The following SYAP1 variants were observed in gnomAD, a reference collection of about 807,000 sequenced individuals.
The protein encoded by SYAP1 is synapse-associated protein 1.
SYAP1 carries 3 observed loss-of-function variants against 29.6 expected under a neutral mutation model. The observed-to-expected ratio is 0.10, with a 90% CI of 0.05 to 0.26. The LOEUF (loss-of-function observed/expected upper bound fraction) is 0.26. SYAP1 is among the 10% of genes least tolerant of loss of function. The pLI is 1.00. For synonymous variants in SYAP1, 102 were observed against 102.7 expected, an observed-to-expected ratio of 0.99 and a Z score of 0.04; for missense variants, 217 against 264.1, an observed-to-expected ratio of 0.82 and a Z score of 1.24.
At position 16,764,906 on chromosome X, in the gene SYAP1, G is replaced by C. The variant is rs1252013708; in HGVS notation, c.*4547G>C. 9.1e-6 allele frequency: 1 copy of C among 110,485 alleles called. No individual in the cohort carries two copies. Among genetic ancestry groups the C allele is most frequent in the African/African-American group, 3.3e-5 (1 of 30,320 alleles). 9.1% of individuals were successfully genotyped at this position (110,485 alleles called of 1,213,427 possible). ...GATGGGTGTCTCCCCATGTTGCTCA[G>C]GCTGTTCTTGAACTTCTGAGCTCAG... On this transcript the variant is annotated 3_prime_UTR_variant, in exon 9 of 9. Coordinates refer to ENST00000380155, the MANE Select transcript of SYAP1 (RefSeq NM_032796.4).
chrX:16,749,247 G>A (rs1926676341), intron 5 of SYAP1, among the ~76,000 whole-genome samples: 2 of 109,832 alleles, frequency 1.8e-5, no homozygotes, highest in South Asian at 3.9e-4. Context: ...TAGAGTCAGG[G>A]TCTCACTCTG....
chrX:16,723,802 CTACTT>C (rs1926020307), intron 1 of SYAP1, among the ~76,000 whole-genome samples: 1 of 111,558 alleles, frequency 9.0e-6, no homozygotes, highest in Non-Finnish European at 1.9e-5. Context: ...GAAGCTCTTC[CTACTT>C]TACTTTATTC....
Position 16,760,516 on chromosome X carries a change from A to T in SYAP1, c.*157A>T. On this transcript the variant is annotated 3_prime_UTR_variant, in exon 9 of 9. Transcript: ENST00000380155. ...GTTGAAACTTGCCTCTTCTACTTTAAAAAAGTATATAGAACAGTTACTTCT... is the reference window on the plus strand; with the variant it reads ...GTTGAAACTTGCCTCTTCTACTTTATAAAAGTATATAGAACAGTTACTTCT... 2.3e-6 allele frequency: 1 copy of T among 435,194 alleles called. No individual in the cohort carries two copies. The highest frequency in any genetic ancestry group is 3.6e-6 in the Non-Finnish European group (1 of 281,056). The allele number at this position is 435,194 out of a possible 1,213,427, so 35.9% of individuals were successfully genotyped here.
At chrX:16,748,312 A>C in intron 5 of SYAP1, among the ~76,000 whole-genome samples, 1 of 112,016 alleles carries the variant, frequency 8.9e-6, no homozygotes, top group Non-Finnish European at 1.9e-5. Flanking sequence ...TGTTTTGTCG[A>C]AAATTTCCAT....
At chrX:16,751,378 G>A (rs1464725352) in intron 5 of SYAP1, among the ~76,000 whole-genome samples, 8 of 104,689 alleles carry the variant, frequency 7.6e-5, no homozygotes, top group Non-Finnish European at 1.6e-4. Context: ...CTTGAACCCA[G>A]GAGATGGAGG....
chrX:16,737,151 C>G (rs5978793), intron 3 of SYAP1, among the ~76,000 whole-genome samples: 50,143 of 110,313 alleles, frequency 0.45, 10,011 homozygotes, highest in African/African-American at 0.78. Context: ...GGCCAAGGCG[C>G]GAGGATCACT....
chrX:16,742,925 T>A (rs1459168174), intron 4 of SYAP1, among the ~76,000 whole-genome samples: 1 of 103,148 alleles, frequency 9.7e-6, no homozygotes, highest in African/African-American at 3.5e-5. Context: ...CTTCTATTTT[T>A]TTTTTTTTTT....
At position 16,757,617 on chromosome X, in the gene SYAP1, G is replaced by A. The variant is rs559696601; in HGVS notation, c.931+308G>A. Among the ~76,000 whole-genome samples, 16 of 110,981 alleles carry A rather than the reference G, an allele frequency of 1.4e-4. No homozygotes were observed. In the South Asian group the frequency reaches 2.3e-3, roughly 16 times the overall value. On this transcript the variant is annotated intron_variant, in intron 8 of 8. Coordinates refer to ENST00000380155, the MANE Select transcript of SYAP1 (RefSeq NM_032796.4). ...GGGTGCCTGTAGTCCCAGCTATTCGGAAGGCTGAGGCAGGAGAATGGCATG... is the reference window on the plus strand; with the variant it reads ...GGGTGCCTGTAGTCCCAGCTATTCGAAAGGCTGAGGCAGGAGAATGGCATG...
intron 1 of SYAP1, 77 bp from the exon 2 acceptor site, chrX:16,735,150 G>T: frequency 1.5e-6 from 1 of 648,009 alleles, no homozygotes; most frequent in Non-Finnish European, 2.4e-6. Context: ...ATGCCCTAAT[G>T]CTTTAGATTC....
chrX:16,738,124 G>A (rs1271633274), intron 3 of SYAP1, among the ~76,000 whole-genome samples: 6 of 111,695 alleles, frequency 5.4e-5, no homozygotes, highest in Non-Finnish European at 1.1e-4. Flanking sequence ...ATTTCAAGAC[G>A]CAGTCAGGGC....
At chrX:16,739,800 G>A (rs1229817224) in intron 3 of SYAP1, among the ~76,000 whole-genome samples, 1 of 111,591 alleles carries the variant, frequency 9.0e-6, no homozygotes, top group Non-Finnish European at 1.9e-5. Context: ...TTCACTTTGT[G>A]TTGCAAGACC....
At position 16,762,237 on chromosome X, in the gene SYAP1, G is replaced by A. The variant is rs181521127; in HGVS notation, c.*1878G>A. 16 of 111,406 alleles carry A rather than the reference G, an allele frequency of 1.4e-4. No individual in the cohort carries two copies. In the East Asian group the frequency reaches 3.4e-3, roughly 23 times the overall value. 9.2% of individuals were successfully genotyped at this position (111,406 alleles called of 1,213,427 possible). A position where few individuals can be genotyped will look rare whatever the true frequency, so the allele number is the denominator to read the frequency against. On this transcript the variant is annotated 3_prime_UTR_variant, in exon 9 of 9. Coordinates refer to ENST00000380155, the MANE Select transcript of SYAP1 (RefSeq NM_032796.4). ...AGATGGAAGCATATCAGGATGTGTC[G>A]GTGCTTGGCTCTTAGTGAATGCACT...
At chrX:16,739,146 G>C (rs1926393899) in intron 3 of SYAP1, among the ~76,000 whole-genome samples, 1 of 111,248 alleles carries the variant, frequency 9.0e-6, no homozygotes, top group South Asian at 3.7e-4. Context: ...AATGTTTTGG[G>C]GGCTTTACCC....
At chrX:16,735,424 AT>A (rs1307145769) in intron 2 of SYAP1, 79 bp downstream of exon 2, 21 of 677,468 alleles carry the variant, frequency 3.1e-5, no homozygotes, top group Non-Finnish European at 4.7e-5. Context: ...TCTTATGAAC[AT>A]TTTTTAACCT....
In SYAP1 at chrX:16,736,439, C is replaced by T. The variant is rs1340140371; in HGVS notation, c.361+207C>T. On this transcript the variant is annotated intron_variant, in intron 3 of 8. Transcript: ENST00000380155. ...TAGATTGTTTCTGGGTGAGGGCTGCCAGTGCTGGCCCCACTGGGGAGCTGG... is the reference window on the plus strand; with the variant it reads ...TAGATTGTTTCTGGGTGAGGGCTGCTAGTGCTGGCCCCACTGGGGAGCTGG... The T allele has an allele frequency of 6.2e-5, 22 of 354,572 alleles. No homozygotes were observed. The East Asian group carries it at 9.1e-4, about 15-fold the overall frequency. 29.2% of individuals were successfully genotyped at this position (354,572 alleles called of 1,213,427 possible). A position where few individuals can be genotyped will look rare whatever the true frequency, so the allele number is the denominator to read the frequency against.
At chrX:16,747,370 G>C (rs1394758236) in intron 5 of SYAP1, among the ~76,000 whole-genome samples, 1 of 112,250 alleles carries the variant, frequency 8.9e-6, no homozygotes, top group Non-Finnish European at 1.9e-5. Context: ...CTGACTCTGA[G>C]GGAAGGGTAC....
intron 1 of SYAP1, among the ~76,000 whole-genome samples, chrX:16,728,413 T>TC (rs1926129344): frequency 8.9e-6 from 1 of 111,762 alleles, no homozygotes; most frequent in African/African-American, 3.3e-5. Flanking sequence ...ATGCCTGTAA[T>TC]CCCAGCACTT....
At chrX:16,738,288 A>G (rs1372436244) in intron 3 of SYAP1, among the ~76,000 whole-genome samples, 1 of 111,302 alleles carries the variant, frequency 9.0e-6, no homozygotes, top group Non-Finnish European at 1.9e-5. Flanking sequence ...GGTGGCACAC[A>G]CCTGTAATCC....
chrX:16,738,710 G>A (rs1926382415), intron 3 of SYAP1, among the ~76,000 whole-genome samples: 1 of 111,646 alleles, frequency 9.0e-6, no homozygotes, highest in Non-Finnish European at 1.9e-5. Flanking sequence ...TTACCCAAGA[G>A]AGTGGACAAC....
Sources: allele counts gnomAD v4.1 joint callset (sites outside exome capture counted in the v4.1 genomes callset), GRCh38; gene constraint gnomAD v4.1.1; transcripts MANE v1.5; gene names NCBI Gene and HGNC (gene_info 2026-07-23, HGNC 2026-07-21).